GAREM1: variants seen among roughly 807,000 people sequenced by gnomAD.
The protein encoded by GAREM1 is GRB2-associated and regulator of MAPK protein 1.
In GAREM1, 26 loss-of-function variants were observed where a neutral mutation model predicts 71.3. That is an observed-to-expected ratio of 0.36 (90% CI 0.27 to 0.51). The LOEUF (loss-of-function observed/expected upper bound fraction) is 0.51, where lower values mean the gene tolerates loss of function less well. GAREM1 is among the 20% of genes least tolerant of loss of function. The probability of loss-of-function intolerance (pLI) is 0.95; values close to 1 mark genes in which losing one functional copy is unlikely to be tolerated. For synonymous variants in GAREM1, 440 were observed against 433.2 expected, an observed-to-expected ratio of 1.02 and a Z score of -0.20; for missense variants, 1,026 against 1,103.1, an observed-to-expected ratio of 0.93 and a Z score of 0.99.
In GAREM1 at chr18:32,266,391, C is replaced by T. The variant is rs567277370; in HGVS notation, c.*1480G>A. 47 of 151,654 alleles carry T rather than the reference C, an allele frequency of 3.1e-4. No homozygotes were observed. The highest frequency in any genetic ancestry group is 2.8e-3 in the Admixed American group (43 of 15,222). The allele number at this position is 151,654 out of a possible 1,614,324, so 9.4% of individuals were successfully genotyped here. On this transcript the variant is annotated 3_prime_UTR_variant, in exon 6 of 6. Coordinates refer to ENST00000269209, the MANE Select transcript of GAREM1 (RefSeq NM_001242409.2). ...GCTGACCTTCCTATTCAAGAGGGCA[C>T]TGTGTGCACCTCGGTCATGGGCTGT...
In GAREM1 at chr18:32,412,482, C is replaced by T. The variant is rs1042267951; in HGVS notation, c.122-19447G>A. 768 of 1,593,652 alleles carry T rather than the reference C, an allele frequency of 4.8e-4. 1 individual carries two copies. Among genetic ancestry groups the T allele is most frequent in the Non-Finnish European group, 5.9e-4 (694 of 1,176,318 alleles). On this transcript the variant is annotated intron_variant, in intron 1 of 5. Transcript: ENST00000269209. ...ACTGCCACCATATCTACCACCAGCA[C>T]GGCTGCCACCAAAGCCACCACGACC...
At chr18:32,275,773 G>C (rs181694214) in intron 4 of GAREM1, among the ~76,000 whole-genome samples, 11 of 152,268 alleles carry the variant, frequency 7.2e-5, no homozygotes, top group African/African-American at 2.6e-4. Context: ...CCGCCTCCCA[G>C]GTTCAAGCAA....
chr18:32,264,907 T>G lies in GAREM1; in HGVS notation c.*2964A>C, dbSNP rs1449629684. On this transcript the variant is annotated 3_prime_UTR_variant, in exon 6 of 6. Transcript: ENST00000269209. ...AAAAGGGTCTTGTTTAGATAGACAC[T>G]TCCTCTCTTTTGATTACAGGGGACC... is the stretch of plus-strand genomic sequence containing the variant. 1.3e-5 allele frequency: 2 copies of G among 152,232 alleles called. No homozygotes were observed. The highest frequency in any genetic ancestry group is 4.8e-5 in the African/African-American group (2 of 41,468). 9.4% of individuals were successfully genotyped at this position (152,232 alleles called of 1,614,324 possible).
At chr18:32,389,988 G>A (rs2048180800) in intron 2 of GAREM1, among the ~76,000 whole-genome samples, 1 of 152,004 alleles carries the variant, frequency 6.6e-6, no homozygotes. Context: ...GCAACAAAGC[G>A]AGAACTGGTA....
At chr18:32,377,824 A>C (rs969632459) in intron 2 of GAREM1, among the ~76,000 whole-genome samples, 1 of 152,150 alleles carries the variant, frequency 6.6e-6, no homozygotes, top group Admixed American at 6.5e-5. Flanking sequence ...TGGCCTCCCA[A>C]AATGCTGGGA....
chr18:32,352,552 C>T (rs992927724), intron 2 of GAREM1, among the ~76,000 whole-genome samples: 15 of 151,996 alleles, frequency 9.9e-5, no homozygotes, highest in Admixed American at 5.2e-4. Flanking sequence ...ACAAATGAAA[C>T]GGGAACTTGG....
intron 5 of GAREM1, among the ~76,000 whole-genome samples, chr18:32,269,250 T>C (rs2041421580): frequency 6.6e-6 from 1 of 152,182 alleles, no homozygotes; most frequent in African/African-American, 2.4e-5. Context: ...CAGGAGGAAA[T>C]CCTTCAAATA....
intron 1 of GAREM1, among the ~76,000 whole-genome samples, chr18:32,425,304 T>G (rs975109384): frequency 1.3e-5 from 2 of 152,344 alleles, no homozygotes; most frequent in Non-Finnish European, 2.9e-5. Flanking sequence ...TGGAGCCATT[T>G]CCCATTAACT....
At chr18:32,419,542 C>G (rs931453304) in intron 1 of GAREM1, among the ~76,000 whole-genome samples, 1 of 152,138 alleles carries the variant, frequency 6.6e-6, no homozygotes, top group African/African-American at 2.4e-5. Context: ...CATACTGGCA[C>G]TGTGATCCTG....
At chr18:32,430,063 A>T (rs1356981528) in intron 1 of GAREM1, among the ~76,000 whole-genome samples, 1 of 152,202 alleles carries the variant, frequency 6.6e-6, no homozygotes, top group Non-Finnish European at 1.5e-5. Context: ...TTGAACACTG[A>T]AAGAGTTGTT....
At chr18:32,345,502 A>T (rs986655483) in intron 2 of GAREM1, among the ~76,000 whole-genome samples, 2 of 152,200 alleles carry the variant, frequency 1.3e-5, no homozygotes, top group Admixed American at 1.3e-4. Flanking sequence ...AACCTGCACC[A>T]AGTTCTTCAA....
At chr18:32,437,997 T>C (rs2144268775) in intron 1 of GAREM1, among the ~76,000 whole-genome samples, 1 of 152,178 alleles carries the variant, frequency 6.6e-6, no homozygotes, top group African/African-American at 2.4e-5. Context: ...AAGTCCAAAA[T>C]AACCCAACCC....
intron 4 of GAREM1, among the ~76,000 whole-genome samples, chr18:32,275,225 C>T (rs1276089117): frequency 1.3e-5 from 2 of 152,190 alleles, no homozygotes; most frequent in Non-Finnish European, 2.9e-5. Context: ...TAATCTAGCA[C>T]ACCCCAGAGT....
In GAREM1 at chr18:32,268,544, G is replaced by A. The variant is rs1218935834; in HGVS notation, c.1958C>T (p.Pro653Leu). The change falls in exon 6 of 6, where the codon CCT (proline) becomes CTT (leucine). Residue 653 changes from proline (P) to leucine (L), a missense_variant. By Grantham distance (98) the Pro-to-Leu change is moderately conservative (BLOSUM62 -3). Around this residue, in one of 3 missense-constraint regions of GAREM1, gnomAD observed 636 missense variants for 631.2 expected, o/e 1.01. Transcript: ENST00000269209. ...TGGTGTGCCTGGCGTCTTTTGTCTA[G>A]GGTAACTATAACTCCTGCTTGGATC... ...LLDPSRSYSYPRQKTPGTPKR... is the reference protein window; with the variant it reads ...LLDPSRSYSYLRQKTPGTPKR... The A allele has an allele frequency of 1.2e-6, 2 of 1,614,132 alleles. No individual in the cohort carries two copies. The highest frequency in any genetic ancestry group is 2.2e-5 in the South Asian group (2 of 91,078).
chr18:32,324,430 C>A (rs1389285508), intron 2 of GAREM1, among the ~76,000 whole-genome samples: 1 of 152,160 alleles, frequency 6.6e-6, no homozygotes, highest in Non-Finnish European at 1.5e-5. Context: ...GACAATAATA[C>A]AAGCAGCTGC....
chr18:32,438,110 T>G (rs760737480), intron 1 of GAREM1, among the ~76,000 whole-genome samples: 1 of 152,216 alleles, frequency 6.6e-6, no homozygotes, highest in Non-Finnish European at 1.5e-5. Flanking sequence ...ATTTCTGTAT[T>G]CTTTCTTTCT....
chr18:32,317,402 A>C (rs539459987), intron 2 of GAREM1, among the ~76,000 whole-genome samples: 1 of 151,674 alleles, frequency 6.6e-6, no homozygotes, highest in African/African-American at 2.4e-5. Flanking sequence ...ACAAAAAAAA[A>C]AAAAAAAAAA....
chr18:32,463,694 C>T (rs1463619565), intron 1 of GAREM1, among the ~76,000 whole-genome samples: 11 of 151,398 alleles, frequency 7.3e-5, no homozygotes, highest in African/African-American at 2.7e-4. Context: ...CTCAGCCTCC[C>T]GAGTAGCTGG....
At position 32,461,113 on chromosome 18, in the gene GAREM1, C is replaced by CTCAAATGT. The variant is rs2048950807; in HGVS notation, c.121+9194_121+9195insACATTTGA. On this transcript the variant is annotated intron_variant, in intron 1 of 5. Coordinates refer to ENST00000269209, the MANE Select transcript of GAREM1 (RefSeq NM_001242409.2). ...ACATATTTAAAAATATAATGTCTGCCTCAAATGAAACAAAAGTGACATTCT... is the reference window on the plus strand; with the variant it reads ...ACATATTTAAAAATATAATGTCTGCCTCAAATGTTCAAATGAAACAAAAGTGACATTCT... Among the ~76,000 whole-genome samples, 6 of 105,634 alleles carry CTCAAATGT rather than the reference C, an allele frequency of 5.7e-5. No homozygotes were observed. The South Asian group carries it at 1.5e-3, about 27-fold the overall frequency. 69.3% of individuals were successfully genotyped at this position (105,634 alleles called of 152,430 possible). A position where few individuals can be genotyped will look rare whatever the true frequency, so the allele number is the denominator to read the frequency against.
Sources: gnomAD v4.1 joint callset for allele counts (sites outside exome capture counted in the v4.1 genomes callset) on GRCh38, gnomAD v4.1.1 for gene constraint, gnomAD v4.1.1 regional missense constraint, MANE v1.5 for transcripts, NCBI Gene and HGNC (gene_info 2026-07-23, HGNC 2026-07-21) for gene names.